SYNE1: variants seen among roughly 807,000 people sequenced by gnomAD.
SYNE1 encodes spectrin repeat containing nuclear envelope protein 1, also known as nesprin-1.
In SYNE1, 616 loss-of-function variants were observed where a neutral mutation model predicts 1,111.0. The ratio of observed to expected loss-of-function variants is 0.55; its 90% CI spans 0.52 to 0.59. The LOEUF (loss-of-function observed/expected upper bound fraction) is 0.59. SYNE1 is among the 20% of genes least tolerant of loss of function. SYNE1 has a pLI of 0.00. For missense variants in SYNE1, 10,006 were observed against 10,417.0 expected, an observed-to-expected ratio of 0.96 and a Z score of 1.72; for synonymous variants, 3,855 against 3,825.8, an observed-to-expected ratio of 1.01 and a Z score of -0.28.
intron 2 of SYNE1, among the ~76,000 whole-genome samples, chr6:152,629,722 A>G (rs2099694644): frequency 2.0e-5 from 3 of 152,130 alleles, no homozygotes; most frequent in Non-Finnish European, 2.9e-5. Flanking sequence ...ATGCACCAAG[A>G]GAAAGAAACG....
At chr6:152,603,800 CATAT>C (rs2099601956) in intron 3 of SYNE1, among the ~76,000 whole-genome samples, 1 of 110,178 alleles carries the variant, frequency 9.1e-6, no homozygotes, top group Non-Finnish European at 1.9e-5. Flanking sequence ...ATTTTATATA[CATAT>C]ATAGAGAGTA....
At chr6:152,364,443 C>A (rs1246850781) in intron 63 of SYNE1, among the ~76,000 whole-genome samples, 1 of 123,516 alleles carries the variant, frequency 8.1e-6, no homozygotes, top group African/African-American at 3.3e-5. Context: ...TATATTTTTA[C>A]ATTATGAATC....
Position 152,217,117 on chromosome 6 carries a change from A to G in SYNE1, c.22191+1140T>C, listed in dbSNP as rs1327897063. 2.2e-4 allele frequency among the ~76,000 whole-genome samples: 33 copies of G among 147,694 alleles called. No individual in the cohort carries two copies. The South Asian group carries it at 6.9e-3, about 31-fold the overall frequency. On this transcript the variant is annotated intron_variant, in intron 121 of 145. Transcript: ENST00000367255. ...AACCTTTTTTTTTTTTTTTTTTTAA[A>G]AAAGTATTACATTAGGCCTGTAATC... is the stretch of plus-strand genomic sequence containing the variant.
intron 59 of SYNE1, among the ~76,000 whole-genome samples, chr6:152,369,982 C>CAAA (rs778013525): frequency 0.022 from 1,098 of 49,944 alleles, 145 homozygotes; most frequent in East Asian, 0.092. Flanking sequence ...GACTCTGTCT[C>CAAA]AAAAAAAAAA....
rs2096067448 is a variant in SYNE1 at position 152,326,363 on chromosome 6, C to A, written c.15226G>T (p.Ala5076Ser). 1.2e-6 allele frequency: 2 copies of A among 1,614,040 alleles called. No homozygotes were observed. Among genetic ancestry groups the A allele is most frequent in the African/African-American group, 2.7e-5 (2 of 74,924 alleles). Reference sequence around the variant, plus strand: ...CTCTGGCTCCTGAGTTCCAGAGAAGCCACTTTCTGTTCTAGGTCTTCTTTG... The same window carrying A: ...CTCTGGCTCCTGAGTTCCAGAGAAGACACTTTCTGTTCTAGGTCTTCTTTG... ...TGKEDLEQKV[A>S]SLELRSQRMS... is the part of the protein sequence containing the mutation. Residue 5076 changes from alanine (A) to serine (S), a missense_variant, in exon 79 of 146, where the codon GCT becomes TCT. Physicochemically the swap from Ala to Ser is moderately conservative, Grantham distance 99 (BLOSUM62 1). This residue lies in a region of SYNE1 where 4,955 missense variants were observed against 5,017.2 expected (regional missense o/e 0.99). Transcript: ENST00000367255.
intron 18 of SYNE1, among the ~76,000 whole-genome samples, chr6:152,463,850 T>C (rs2098748806): frequency 6.6e-6 from 1 of 152,146 alleles, no homozygotes; most frequent in Non-Finnish European, 1.5e-5. Context: ...GGCTAGTAAA[T>C]ACCAGTGCCA....
chr6:152,367,037 G>T, intron 62 of SYNE1, 181 bp downstream of exon 62: 1 of 762,192 alleles, frequency 1.3e-6, no homozygotes, highest in Non-Finnish European at 2.3e-6. Context: ...AAACATCCGG[G>T]GTCAGATGAT....
intron 3 of SYNE1, among the ~76,000 whole-genome samples, chr6:152,568,702 C>T (rs570753229): frequency 6.6e-6 from 1 of 152,132 alleles, no homozygotes; most frequent in Non-Finnish European, 1.5e-5. Context: ...TCCAACTCCT[C>T]GTCTCAGGGA....
intron 14 of SYNE1, among the ~76,000 whole-genome samples, chr6:152,476,421 C>T (rs144669938): frequency 1.3e-5 from 2 of 152,294 alleles, no homozygotes; most frequent in African/African-American, 4.8e-5. Context: ...ACAACATATT[C>T]AGAATCTGTC....
At chr6:152,161,181 A>AG (rs397786906) in intron 131 of SYNE1, among the ~76,000 whole-genome samples, 4 of 147,304 alleles carry the variant, frequency 2.7e-5, no homozygotes, top group African/African-American at 9.9e-5. Flanking sequence ...TGTAACAAAA[A>AG]TATAAATATA....
At chr6:152,447,976 T>G (rs2098606899) in intron 28 of SYNE1, among the ~76,000 whole-genome samples, 1 of 152,240 alleles carries the variant, frequency 6.6e-6, no homozygotes, top group Non-Finnish European at 1.5e-5. Context: ...TCACTTCCTT[T>G]GAGCTGGAAA....
chr6:152,394,616 G>T (rs566475627), intron 51 of SYNE1, among the ~76,000 whole-genome samples: 8 of 152,078 alleles, frequency 5.3e-5, no homozygotes, highest in African/African-American at 1.9e-4. Context: ...AAGCAATGAA[G>T]AAATAAATAC....
Position 152,427,833 on chromosome 6 carries a change from G to C in SYNE1, c.4977-17C>G. 6.2e-7 allele frequency: 1 copy of C among 1,613,918 alleles called. No individual in the cohort carries two copies. Among genetic ancestry groups the C allele is most frequent in the Non-Finnish European group, 8.5e-7 (1 of 1,180,008 alleles). ...TTCTCTAGCCTAAAGGAAGCAGAGA[G>C]CAGAAACAAATTTATTGAAAATTAT... On this transcript the variant is annotated splice_polypyrimidine_tract_variant and intron_variant, in intron 37 of 145. Coordinates refer to ENST00000367255, the MANE Select transcript of SYNE1 (RefSeq NM_182961.4).
In SYNE1 at chr6:152,323,751, T is replaced by C. The variant is rs1257319077; in HGVS notation, c.15658-14A>G. 1 of 1,613,944 alleles carries C rather than the reference T, an allele frequency of 6.2e-7. No homozygotes were observed. The highest frequency in any genetic ancestry group is 8.5e-7 in the Non-Finnish European group (1 of 1,179,932). Reference sequence around the variant, plus strand: ...GGCCTTTTTAACCTGATGACAAATGTACATACTATGAAGTTCAATAATAAA... The same window carrying C: ...GGCCTTTTTAACCTGATGACAAATGCACATACTATGAAGTTCAATAATAAA... On this transcript the variant is annotated splice_polypyrimidine_tract_variant and intron_variant, in intron 81 of 145. Transcript: ENST00000367255.
intron 3 of SYNE1, among the ~76,000 whole-genome samples, chr6:152,607,036 G>C (rs1231740688): frequency 4.0e-5 from 5 of 123,830 alleles, no homozygotes; most frequent in African/African-American, 1.6e-4. Context: ...CGAGGCTGGA[G>C]TGCAGTGGTG....
At chr6:152,482,058 G>A (rs1188889692) in intron 14 of SYNE1, among the ~76,000 whole-genome samples, 2 of 152,000 alleles carry the variant, frequency 1.3e-5, no homozygotes, top group Non-Finnish European at 2.9e-5. Context: ...AAGGCCAAGA[G>A]GAAATGGAGG....
In SYNE1 at chr6:152,156,143, A is replaced by G. The variant is rs182070042; in HGVS notation, c.23791-46T>C. The G allele has an allele frequency of 1.4e-4, 232 of 1,609,004 alleles. No homozygotes were observed. The African/African-American group carries it at 2.8e-3, about 19-fold the overall frequency. ...CTTTATTCAACAATTACATGTATAC[A>G]GATGAGAGAAACTGAAGCAACCTAT... On this transcript the variant is annotated intron_variant, in intron 131 of 145. Transcript: ENST00000367255.
intron 3 of SYNE1, among the ~76,000 whole-genome samples, chr6:152,571,069 G>GTATA (rs2099452768): frequency 6.6e-6 from 1 of 152,060 alleles, no homozygotes; most frequent in African/African-American, 2.4e-5. Flanking sequence ...GGTCTTTTTT[G>GTATA]ACCTACACAG....
chr6:152,234,914 G>T, intron 110 of SYNE1, 114 bp from the exon 111 acceptor site: 1 of 1,227,416 alleles, frequency 8.1e-7, no homozygotes. Flanking sequence ...AGATTTAGAA[G>T]AAAAATGCAT....
Sources: allele counts gnomAD v4.1 joint callset (sites outside exome capture counted in the v4.1 genomes callset), GRCh38; gene constraint gnomAD v4.1.1; regional missense constraint gnomAD v4.1.1; transcripts MANE v1.5; gene names NCBI Gene and HGNC (gene_info 2026-07-23, HGNC 2026-07-21).